CNTNAP5: variants seen among roughly 807,000 people sequenced by gnomAD.
The protein encoded by CNTNAP5 is contactin associated protein family member 5.
A neutral mutation model predicts 150.2 loss-of-function variants in CNTNAP5; 72 were observed. That is an observed-to-expected ratio of 0.48 (90% CI 0.40 to 0.58). The LOEUF (loss-of-function observed/expected upper bound fraction) is 0.58. CNTNAP5 is among the 20% of genes least tolerant of loss of function. The pLI is 0.00. For synonymous variants in CNTNAP5, 672 were observed against 619.8 expected (o/e 1.08, Z -1.25); for missense variants, 1,636 against 1,626.2 (o/e 1.01, Z -0.10).
rs553944999 is a variant in CNTNAP5, at chr2:124,382,891, C to T, written c.382-34552C>T. Among the ~76,000 whole-genome samples the T allele has an allele frequency of 1.6e-3, 242 of 152,250 alleles. 2 individuals are homozygous for T. The highest frequency in any genetic ancestry group is 5.6e-3 in the African/African-American group (231 of 41,554). On this transcript the variant is annotated intron_variant, in intron 3 of 23. Transcript: ENST00000682447. The stretch of plus-strand genomic sequence containing the variant: ...TAAAGGAAAAACAAGATGTTTAACA[C>T]AGAAAAAGATTTTTTTTTCTTTTAA...
chr2:124,217,925 G>C (rs1170607), intron 1 of CNTNAP5, among the ~76,000 whole-genome samples: 14 of 152,084 alleles, frequency 9.2e-5, no homozygotes, highest in African/African-American at 3.4e-4. Context: ...GAATGTATTA[G>C]CTGGAATCAT....
chr2:124,431,807 A>G (rs1692395828), intron 4 of CNTNAP5, among the ~76,000 whole-genome samples: 1 of 151,678 alleles, frequency 6.6e-6, no homozygotes, highest in African/African-American at 2.4e-5. Flanking sequence ...ATACATTGTT[A>G]TGCACCATTT....
Position 124,917,300 on chromosome 2 carries a change from A to G in CNTNAP5, c.*3012A>G, listed in dbSNP as rs1469593474. 6.6e-6 allele frequency among the ~76,000 whole-genome samples: 1 copy of G among 152,060 alleles called. No individual in the cohort carries two copies. Among genetic ancestry groups the G allele is most frequent in the Non-Finnish European group, 1.5e-5 (1 of 67,986 alleles). ...AGTACTTGTGAAATTTCACATTTTAATGGAGCTGTTTCATTGATATTTTTT... is the reference window on the plus strand; with the variant it reads ...AGTACTTGTGAAATTTCACATTTTAGTGGAGCTGTTTCATTGATATTTTTT... On this transcript the variant is annotated 3_prime_UTR_variant, in exon 24 of 24. Coordinates refer to ENST00000682447, the MANE Select transcript of CNTNAP5 (RefSeq NM_001367498.1).
chr2:124,585,152 A>G (rs1696500318), intron 11 of CNTNAP5, among the ~76,000 whole-genome samples: 3 of 152,156 alleles, frequency 2.0e-5, no homozygotes, highest in Admixed American at 6.5e-5. Flanking sequence ...ACACTGCAGG[A>G]TGGCTGGTAC....
intron 3 of CNTNAP5, among the ~76,000 whole-genome samples, chr2:124,345,159 G>T (rs919222992): frequency 6.6e-6 from 1 of 152,232 alleles, no homozygotes; most frequent in South Asian, 2.1e-4. Flanking sequence ...CAGTGTTACA[G>T]AGTCCTTTGT....
chr2:124,647,110 C>G (rs1385397937), intron 12 of CNTNAP5, among the ~76,000 whole-genome samples: 1 of 152,138 alleles, frequency 6.6e-6, no homozygotes, highest in Non-Finnish European at 1.5e-5. Flanking sequence ...CCTTCTTTCG[C>G]CTATTAGGCA....
At chr2:124,614,380 G>A (rs1273666056) in intron 12 of CNTNAP5, among the ~76,000 whole-genome samples, 2 of 152,152 alleles carry the variant, frequency 1.3e-5, no homozygotes, top group Non-Finnish European at 1.5e-5. Context: ...TAAAGTTAAA[G>A]CAAGTTTATT....
intron 13 of CNTNAP5, among the ~76,000 whole-genome samples, chr2:124,673,006 T>G (rs149283013): frequency 7.9e-4 from 120 of 152,178 alleles, no homozygotes; most frequent in African/African-American, 2.7e-3. Flanking sequence ...AAAAAATATT[T>G]AAGTGATGGA....
At chr2:124,532,039 T>C (rs1695122577) in intron 10 of CNTNAP5, among the ~76,000 whole-genome samples, 1 of 152,112 alleles carries the variant, frequency 6.6e-6, no homozygotes, top group Admixed American at 6.5e-5. Flanking sequence ...TGATTAGTGA[T>C]TGGCTATGTA....
At chr2:124,633,161 C>G (rs1433083636) in intron 12 of CNTNAP5, among the ~76,000 whole-genome samples, 1 of 152,134 alleles carries the variant, frequency 6.6e-6, no homozygotes, top group East Asian at 1.9e-4. Flanking sequence ...AAAATACAAT[C>G]ATGCCTACCC....
chr2:124,886,879 T>G (rs879895762), intron 21 of CNTNAP5, among the ~76,000 whole-genome samples: 3 of 152,048 alleles, frequency 2.0e-5, no homozygotes, highest in Non-Finnish European at 4.4e-5. Flanking sequence ...AGTGCTCCTT[T>G]CATTGACTGC....
chr2:124,866,032 GGC>G (rs1236109085), intron 20 of CNTNAP5, among the ~76,000 whole-genome samples: 3 of 151,780 alleles, frequency 2.0e-5, no homozygotes, highest in Non-Finnish European at 4.4e-5. Flanking sequence ...GGGAGGCTGA[GGC>G]AGGTGGATCA....
intron 11 of CNTNAP5, among the ~76,000 whole-genome samples, chr2:124,600,765 GAGAAAGAGAGAGAA>G (rs1484380380): frequency 1.8e-5 from 2 of 113,144 alleles, no homozygotes; most frequent in Non-Finnish European, 4.0e-5. Context: ...GAGAGAGAGA[GAGAAAGAGAGAGAA>G]AGAGAGAAGC....
chr2:124,214,380 G>A (rs1043583039), intron 1 of CNTNAP5, among the ~76,000 whole-genome samples: 1 of 152,174 alleles, frequency 6.6e-6, no homozygotes, highest in African/African-American at 2.4e-5. Context: ...TCTTCTGGGT[G>A]TTCCCGCAGT....
chr2:124,262,089 T>A (rs1687473130), intron 3 of CNTNAP5, among the ~76,000 whole-genome samples: 1 of 151,956 alleles, frequency 6.6e-6, no homozygotes, highest in African/African-American at 2.4e-5. Flanking sequence ...GTTTCTTTTT[T>A]TTTTAATTAT....
At chr2:124,246,362 T>C (rs1687028177) in intron 3 of CNTNAP5, among the ~76,000 whole-genome samples, 2 of 152,106 alleles carry the variant, frequency 1.3e-5, no homozygotes, top group African/African-American at 4.8e-5. Context: ...CACTTAGTGA[T>C]GCACCATGAT....
chr2:124,463,044 C>T (rs1693289397), intron 6 of CNTNAP5, among the ~76,000 whole-genome samples: 1 of 152,164 alleles, frequency 6.6e-6, no homozygotes, highest in Non-Finnish European at 1.5e-5. Flanking sequence ...CCTATGTCAT[C>T]TCCCCTGGGC....
At chr2:124,071,018 C>T (rs1478419455) in intron 1 of CNTNAP5, among the ~76,000 whole-genome samples, 2 of 151,748 alleles carry the variant, frequency 1.3e-5, no homozygotes, top group Admixed American at 6.6e-5. Context: ...GGACTAAAAG[C>T]AGAAAGCAAT....
chr2:124,833,698 G>T (rs1682766615), intron 19 of CNTNAP5, among the ~76,000 whole-genome samples: 2 of 152,088 alleles, frequency 1.3e-5, no homozygotes, highest in African/African-American at 4.8e-5. Flanking sequence ...AACTTGCTCA[G>T]AAGTTACATC....
Sources: gnomAD v4.1 joint callset for allele counts (sites outside exome capture counted in the v4.1 genomes callset) on GRCh38, gnomAD v4.1.1 for gene constraint, MANE v1.5 for transcripts, NCBI Gene and HGNC (gene_info 2026-07-23, HGNC 2026-07-21) for gene names.